The following DAB1 variants were observed in gnomAD, a reference collection of about 807,000 sequenced individuals.
The protein encoded by DAB1 is DAB adaptor protein 1.
DAB1 carries 15 observed loss-of-function variants against 64.6 expected under a neutral mutation model. The observed-to-expected ratio is 0.23, with a 90% confidence interval of 0.16 to 0.36. The LOEUF (loss-of-function observed/expected upper bound fraction) is 0.36. DAB1 is among the 10% of genes least tolerant of loss of function. DAB1 has a pLI of 1.00. For missense variants in DAB1, 596 were observed against 706.7 expected, an observed-to-expected ratio of 0.84 and a Z score of 1.78; for synonymous variants, 235 against 251.9, an observed-to-expected ratio of 0.93 and a Z score of 0.64.
intron 4 of DAB1, among the ~76,000 whole-genome samples, chr1:58,169,495 G>A (rs1240863400): frequency 6.6e-6 from 1 of 152,116 alleles, no homozygotes; most frequent in African/African-American, 2.4e-5. Flanking sequence ...TGAAAGAGAG[G>A]CACCTCATTA....
chr1:57,467,636 A>G (rs1036154472), intron 7 of DAB1, among the ~76,000 whole-genome samples: 2 of 152,148 alleles, frequency 1.3e-5, no homozygotes, highest in Admixed American at 6.6e-5. Context: ...GTTCAACTGA[A>G]TCAACTCAAC....
intron 1 of DAB1, among the ~76,000 whole-genome samples, chr1:57,294,773 A>G (rs969998950): frequency 2.0e-5 from 3 of 152,204 alleles, no homozygotes; most frequent in Non-Finnish European, 4.4e-5. Context: ...TAGCTAGTAA[A>G]TAGCACAGCA....
intron 7 of DAB1, among the ~76,000 whole-genome samples, chr1:57,536,025 G>C (rs1488035274): frequency 6.6e-6 from 1 of 152,152 alleles, no homozygotes; most frequent in Non-Finnish European, 1.5e-5. Flanking sequence ...AGCAGCAGTT[G>C]CTTTATCCAC....
chr1:58,121,053 T>C (rs531625262), intron 5 of DAB1, among the ~76,000 whole-genome samples: 52 of 152,302 alleles, frequency 3.4e-4, no homozygotes, highest in South Asian at 1.5e-3. Context: ...ACTATCTTGA[T>C]TTTTTTCCAC....
intron 3 of DAB1, among the ~76,000 whole-genome samples, chr1:58,459,706 G>A (rs1012480721): frequency 6.6e-6 from 1 of 152,226 alleles, no homozygotes; most frequent in African/African-American, 2.4e-5. Flanking sequence ...GGCCGGGTAT[G>A]GTGGCTCACA....
intron 5 of DAB1, among the ~76,000 whole-genome samples, chr1:57,889,607 C>A (rs1277477757): frequency 1.3e-5 from 2 of 152,178 alleles, no homozygotes; most frequent in Non-Finnish European, 2.9e-5. Context: ...TATCAAAGGA[C>A]CAGCCTTCTG....
intron 5 of DAB1, among the ~76,000 whole-genome samples, chr1:58,001,148 A>G (rs1646501165): frequency 6.6e-6 from 1 of 150,874 alleles, no homozygotes; most frequent in African/African-American, 2.4e-5. Context: ...TTGCACCCCC[A>G]ATTTTCCCAT....
chr1:57,759,751 T>A (rs1198028727), intron 6 of DAB1, among the ~76,000 whole-genome samples: 1 of 152,074 alleles, frequency 6.6e-6, no homozygotes, highest in East Asian at 1.9e-4. Flanking sequence ...AAGAAACCAG[T>A]TAGGAGCTAG....
At chr1:57,658,536 C>A (rs577698482) in intron 6 of DAB1, among the ~76,000 whole-genome samples, 2 of 151,732 alleles carry the variant, frequency 1.3e-5, no homozygotes, top group African/African-American at 4.8e-5. Context: ...ATCTCCTGAC[C>A]TTGTGATCCA....
At chr1:58,019,828 C>CT (rs1646791366) in intron 5 of DAB1, among the ~76,000 whole-genome samples, 1 of 152,154 alleles carries the variant, frequency 6.6e-6, no homozygotes, top group Non-Finnish European at 1.5e-5. Flanking sequence ...GGAATAGAGT[C>CT]TAAGTGGTTG....
chr1:58,061,942 A>G (rs1462290724), intron 5 of DAB1, among the ~76,000 whole-genome samples: 1 of 152,144 alleles, frequency 6.6e-6, no homozygotes, highest in African/African-American at 2.4e-5. Context: ...TGAGCTTAGT[A>G]TCTACCCTAA....
chr1:58,493,693 A>G (rs1265855737), intron 3 of DAB1, among the ~76,000 whole-genome samples: 1 of 151,858 alleles, frequency 6.6e-6, no homozygotes, highest in Non-Finnish European at 1.5e-5. Flanking sequence ...TAAAATAGCT[A>G]GGAATCCAAC....
At chr1:58,216,217 C>G (rs1226125384) in intron 4 of DAB1, among the ~76,000 whole-genome samples, 3 of 151,800 alleles carry the variant, frequency 2.0e-5, no homozygotes, top group Non-Finnish European at 4.4e-5. Context: ...GTGTGATGTT[C>G]CCCCGACTGT....
At chr1:57,129,654 T>C (rs1319276227) in intron 4 of DAB1, among the ~76,000 whole-genome samples, 5 of 152,152 alleles carry the variant, frequency 3.3e-5, no homozygotes, top group Admixed American at 1.3e-4. Flanking sequence ...AAATACTTTA[T>C]AGGGAGATCT....
intron 1 of DAB1, among the ~76,000 whole-genome samples, chr1:57,843,205 T>C (rs766550878): frequency 2.0e-5 from 3 of 152,238 alleles, no homozygotes; most frequent in Non-Finnish European, 4.4e-5. Flanking sequence ...CACATCTTAT[T>C]TCACCAAGTC....
At chr1:57,683,255 T>A (rs1646657626) in intron 6 of DAB1, among the ~76,000 whole-genome samples, 1 of 152,168 alleles carries the variant, frequency 6.6e-6, no homozygotes, top group African/African-American at 2.4e-5. Context: ...GAACGTGGTC[T>A]ATCTCCCTGC....
At chr1:57,191,103 G>A (rs894955352) in intron 2 of DAB1, among the ~76,000 whole-genome samples, 1 of 152,192 alleles carries the variant, frequency 6.6e-6, no homozygotes, top group Non-Finnish European at 1.5e-5. Flanking sequence ...GTTGTTTGCT[G>A]ACATAACAAT....
At chr1:57,980,798 T>C (rs1210621955) in intron 5 of DAB1, among the ~76,000 whole-genome samples, 2 of 152,140 alleles carry the variant, frequency 1.3e-5, no homozygotes, top group Non-Finnish European at 2.9e-5. Flanking sequence ...GTATTAAAAG[T>C]CTGCAAAATA....
chr1:57,358,499 GAA>G, intron 1 of DAB1, among the ~76,000 whole-genome samples: 1 of 151,996 alleles, frequency 6.6e-6, no homozygotes, highest in Admixed American at 6.6e-5. Context: ...ACAAATAAAT[GAA>G]AAGACATCCC....
Sources: gnomAD v4.1 joint callset for allele counts (sites outside exome capture counted in the v4.1 genomes callset) on GRCh38, gnomAD v4.1.1 for gene constraint, MANE v1.5 for transcripts, NCBI Gene and HGNC (gene_info 2026-07-23, HGNC 2026-07-21) for gene names.